Variants in LAMB4 observed in about 807,000 individuals in gnomAD.
LAMB4 encodes laminin subunit beta 4.
Under a neutral mutation model 199.2 loss-of-function variants are expected in LAMB4, and 196 were observed. The observed-to-expected ratio is 0.98, with a 90% CI of 0.88 to 1.11. LAMB4 has a LOEUF of 1.11. LAMB4 is among the 50% of genes least tolerant of loss of function. The probability of loss-of-function intolerance (pLI) is 0.00; values close to 1 mark genes in which losing one functional copy is unlikely to be tolerated. For missense variants in LAMB4, 2,080 were observed against 2,171.2 expected (o/e 0.96, Z 0.83); for synonymous variants, 744 against 770.6 (o/e 0.97, Z 0.57).
chr7:108,021,542 T>A (rs1057232042), downstream of LAMB4, among the ~76,000 whole-genome samples: 3 of 152,194 alleles, frequency 2.0e-5, no homozygotes, highest in South Asian at 6.2e-4. Flanking sequence ...AAACTCTGTC[T>A]CTACTAAAAA....
chr7:108,063,262 T>A (rs997944925), intron 22 of LAMB4, among the ~76,000 whole-genome samples: 1 of 152,184 alleles, frequency 6.6e-6, no homozygotes, highest in East Asian at 1.9e-4. Context: ...TTTTCCCTCA[T>A]GTCACTCACC....
intron 17 of LAMB4, among the ~76,000 whole-genome samples, chr7:108,072,550 G>A (rs1286473801): frequency 1.3e-5 from 2 of 152,134 alleles, no homozygotes; most frequent in African/African-American, 4.8e-5. Context: ...GCATGGGATT[G>A]GGTCAGATGA....
chr7:108,097,793 A>ATG (rs2037669008), intron 11 of LAMB4, among the ~76,000 whole-genome samples: 1 of 152,200 alleles, frequency 6.6e-6, no homozygotes. Context: ...GAAACACATA[A>ATG]TGTAATTTAA....
intron 14 of LAMB4, among the ~76,000 whole-genome samples, chr7:108,087,036 G>A (rs1023547909): frequency 1.1e-4 from 16 of 152,232 alleles, no homozygotes; most frequent in Admixed American, 2.6e-4. Context: ...AGAAGGCCTC[G>A]TGGGGCTGTA....
At position 108,045,771 on chromosome 7, in the gene LAMB4, A is replaced by G. The variant is rs142262760; in HGVS notation, c.4327-1875T>C. Among the ~76,000 whole-genome samples, 4 of 152,368 alleles carry G rather than the reference A, an allele frequency of 2.6e-5. No individual in the cohort carries two copies. In the East Asian group the frequency reaches 7.7e-4, roughly 29 times the overall value. On this transcript the variant is annotated intron_variant, in intron 28 of 33. Coordinates refer to ENST00000388781, the MANE Select transcript of LAMB4 (RefSeq NM_007356.3). ...ACTTGTAGATGGATGCCTGGCACAC[A>G]GTAGGTGGATATTTGTTAAAGCAAT... is the stretch of plus-strand genomic sequence containing the variant.
chr7:108,059,575 G>A (rs140306776), intron 23 of LAMB4, among the ~76,000 whole-genome samples: 1 of 152,270 alleles, frequency 6.6e-6, no homozygotes, highest in East Asian at 1.9e-4. Flanking sequence ...GCTCAGAAAT[G>A]ACAACAATGC....
Position 108,065,771 on chromosome 7 carries a change from C to T in LAMB4, c.2827G>A (p.Gly943Ser), listed in dbSNP as rs1201635460. 1.2e-6 allele frequency: 2 copies of T among 1,613,912 alleles called. No homozygotes were observed. Among genetic ancestry groups the T allele is most frequent in the Non-Finnish European group, 1.7e-6 (2 of 1,179,880 alleles). The change falls in exon 21 of 34, where the codon GGT becomes AGT. Residue 943 changes from glycine (G) to serine (S), a missense_variant. Coordinates refer to ENST00000388781, the MANE Select transcript of LAMB4 (RefSeq NM_007356.3). ...SSDVICNCLQGYTGTQCGECS... is the reference protein window; with the variant it reads ...SSDVICNCLQSYTGTQCGECS... ...GCACTATACTGCATACCCGTATAAC[C>T]TTGAAGACAATTGCAGATTACATCT... is the stretch of plus-strand genomic sequence containing the variant.
chr7:108,013,360 C>T, the LAMB4 span, among the ~76,000 whole-genome samples: 1 of 152,094 alleles, frequency 6.6e-6, no homozygotes, highest in African/African-American at 2.4e-5. Flanking sequence ...ACAGCCAATA[C>T]GCATTCGTAT....
At chr7:108,043,008 A>G (rs1224468768) in intron 29 of LAMB4, among the ~76,000 whole-genome samples, 3 of 146,262 alleles carry the variant, frequency 2.1e-5, no homozygotes, top group Non-Finnish European at 4.5e-5. Flanking sequence ...TTTCAGGTCA[A>G]TTTCCAGCTT....
At chr7:108,092,007 C>T (rs1021210687) in intron 13 of LAMB4, among the ~76,000 whole-genome samples, 5 of 150,142 alleles carry the variant, frequency 3.3e-5, no homozygotes, top group African/African-American at 7.3e-5. Context: ...CCGCCCCCAA[C>T]CCCCCACTGC....
At chr7:108,039,259 A>G (rs973104042) in intron 29 of LAMB4, among the ~76,000 whole-genome samples, 7 of 152,154 alleles carry the variant, frequency 4.6e-5, no homozygotes, top group Admixed American at 3.9e-4. Flanking sequence ...GTGGGAGCCA[A>G]AAATGATTTT....
intron 23 of LAMB4, among the ~76,000 whole-genome samples, chr7:108,060,938 G>A (rs1302200683): frequency 6.6e-6 from 1 of 152,182 alleles, no homozygotes; most frequent in East Asian, 1.9e-4. Context: ...AGGAAAAAGA[G>A]TAACTTGATG....
At position 108,052,180 on chromosome 7, in the gene LAMB4, G is replaced by A; in HGVS notation, c.3833C>T (p.Ala1278Val). The change falls in exon 26 of 34, where the codon GCA becomes GTA. Residue 1278 changes from alanine (A) to valine (V), a missense_variant. Transcript: ENST00000388781. ...AAGTAAGAGGTCTGCTTCATTCTTT[G>A]CTCTTTCTATTGTATCTTTCAGATC... is the stretch of plus-strand genomic sequence containing the variant. Reference protein sequence around the residue: ...FQDLKDTIERAKNEADLLLED... With the variant: ...FQDLKDTIERVKNEADLLLED... 6.2e-7 allele frequency: 1 copy of A among 1,611,730 alleles called. No homozygotes were observed. Among genetic ancestry groups the A allele is most frequent in the South Asian group, 1.1e-5 (1 of 90,626 alleles).
chr7:108,031,331 CAAAAAAAAA>C lies in LAMB4; in HGVS notation c.4819-361_4819-353del, dbSNP rs60572529. On this transcript the variant is annotated intron_variant, in intron 31 of 33. Transcript: ENST00000388781. The stretch of plus-strand genomic sequence containing the variant: ...AAGAGATAACTTGTCTCAACAATAA[CAAAAAAAAA>C]AAAAAAAGAAAAAAAAGAAAAAGGA... Among the ~76,000 whole-genome samples, 12 of 14,952 alleles carry C rather than the reference CAAAAAAAAA, an allele frequency of 8.0e-4. No homozygotes were observed. The South Asian group carries it at 0.02, about 25-fold the overall frequency. 9.8% of individuals were successfully genotyped at this position (14,952 alleles called of 152,430 possible).
intron 14 of LAMB4, among the ~76,000 whole-genome samples, chr7:108,086,731 G>A (rs1479046903): frequency 6.6e-6 from 1 of 152,196 alleles, no homozygotes; most frequent in Non-Finnish European, 1.5e-5. Flanking sequence ...AAAGAGAGGA[G>A]CATGTTGTGG....
chr7:108,034,450 T>C, intron 30 of LAMB4, 104 bp from the exon 31 acceptor site: 1 of 836,690 alleles, frequency 1.2e-6, no homozygotes, highest in Non-Finnish European at 1.9e-6. Context: ...TACTGAATTA[T>C]TAAGTAAATT....
chr7:108,072,182 C>T (rs1224866064), intron 17 of LAMB4, among the ~76,000 whole-genome samples: 3 of 152,008 alleles, frequency 2.0e-5, no homozygotes, highest in Non-Finnish European at 4.4e-5. Context: ...AAGGAGAAAA[C>T]CCTGTTTATA....
At position 108,043,692 on chromosome 7, in the gene LAMB4, G is replaced by A. The variant is rs530662370; in HGVS notation, c.4471+60C>T. The A allele has an allele frequency of 1.0e-5, 11 of 1,066,374 alleles. No homozygotes were observed. The East Asian group carries it at 1.7e-4, about 16-fold the overall frequency. The allele number at this position is 1,066,374 out of a possible 1,614,324, so 66.1% of individuals were successfully genotyped here. A position where few individuals can be genotyped will look rare whatever the true frequency, so the allele number is the denominator to read the frequency against. ...CCTCCTGGGTTCACGTATGATGTTT[G>A]ACTATACATTAAAAAGGGAAAAAAA... On this transcript the variant is annotated intron_variant, in intron 29 of 33. Coordinates refer to ENST00000388781, the MANE Select transcript of LAMB4 (RefSeq NM_007356.3).
chr7:108,092,267 G>A (rs2037436597), intron 13 of LAMB4, 70 bp downstream of exon 13: 6 of 1,175,224 alleles, frequency 5.1e-6, no homozygotes, highest in Admixed American at 3.6e-5. Flanking sequence ...CTATGACTAT[G>A]AGCGTATCAG....
Sources: gnomAD v4.1 joint callset for allele counts (sites outside exome capture counted in the v4.1 genomes callset) on GRCh38, gnomAD v4.1.1 for gene constraint, MANE v1.5 for transcripts, NCBI Gene and HGNC (gene_info 2026-07-23, HGNC 2026-07-21) for gene names.